Variants in EVC2 observed in about 807,000 individuals in gnomAD.
The protein encoded by EVC2 is EvC ciliary complex subunit 2.
EVC2 carries 148 observed loss-of-function variants against 149.3 expected under a neutral mutation model. The ratio of observed to expected loss-of-function variants is 0.99; its 90% CI spans 0.87 to 1.14. The LOEUF (loss-of-function observed/expected upper bound fraction) is 1.14. Among genes scored for constraint, EVC2 ranks in the 50% most tolerant of loss-of-function variants. The pLI is 0.00. For synonymous variants in EVC2, 776 were observed against 649.9 expected, an observed-to-expected ratio of 1.19 and a Z score of -2.95; for missense variants, 1,854 against 1,627.3, an observed-to-expected ratio of 1.14 and a Z score of -2.40.
intron 9 of EVC2, among the ~76,000 whole-genome samples, chr4:5,650,984 C>T (rs143929365): frequency 4.6e-5 from 7 of 152,084 alleles, no homozygotes; most frequent in African/African-American, 9.6e-5. Context: ...TCATTTTTTA[C>T]AGCACAGAAA....
At chr4:5,551,133 G>T (rs978354690) in intron 21 of EVC2, among the ~76,000 whole-genome samples, 1 of 151,670 alleles carries the variant, frequency 6.6e-6, no homozygotes, top group Non-Finnish European at 1.5e-5. Context: ...TCCCTACTGG[G>T]GCATCACCTA....
At position 5,657,371 on chromosome 4, in the gene EVC2, A is replaced by G. The variant is rs1057188478; in HGVS notation, c.1145+5736T>C. Among the ~76,000 whole-genome samples the G allele has an allele frequency of 6.6e-6, 1 of 152,070 alleles. No homozygotes were observed. The highest frequency in any genetic ancestry group is 1.5e-5 in the Non-Finnish European group (1 of 68,008). On this transcript the variant is annotated intron_variant, in intron 9 of 21. Transcript: ENST00000344408. This position sits in a 1 kb window ranked among gnomAD's most constrained non-coding sequence, Gnocchi z 4.7. ...TCTGCCATCCTTCCTACCATGACAGATGATGGCCCAACTCCTCTCCAGTCC... is the reference window on the plus strand; with the variant it reads ...TCTGCCATCCTTCCTACCATGACAGGTGATGGCCCAACTCCTCTCCAGTCC...
At chr4:5,650,638 T>TATATAGAG (rs1162935817) in intron 9 of EVC2, among the ~76,000 whole-genome samples, 57 of 45,096 alleles carry the variant, frequency 1.3e-3, no homozygotes, top group Non-Finnish European at 1.7e-3. Context: ...TATATATATA[T>TATATAGAG]AGAGAGAGAG....
intron 1 of EVC2, among the ~76,000 whole-genome samples, chr4:5,706,893 T>C (rs1722235835): frequency 6.6e-6 from 1 of 152,020 alleles, no homozygotes; most frequent in Non-Finnish European, 1.5e-5. Flanking sequence ...GAGGGTGAGG[T>C]ACTCTACACC....
chr4:5,699,365 G>C (rs910303758), intron 1 of EVC2, among the ~76,000 whole-genome samples: 1 of 152,156 alleles, frequency 6.6e-6, no homozygotes, highest in African/African-American at 2.4e-5. Context: ...GTAAATTATG[G>C]TACAAACATT....
chr4:5,672,816 A>G (rs1719735068), intron 7 of EVC2, among the ~76,000 whole-genome samples: 1 of 152,246 alleles, frequency 6.6e-6, no homozygotes, highest in South Asian at 2.1e-4. Flanking sequence ...TTCAGCCACA[A>G]AAAGGAATGA....
rs542794240 is a variant in EVC2, at chr4:5,592,093, G to C, written c.2830-7243C>G. 1.6e-3 allele frequency among the ~76,000 whole-genome samples: 239 copies of C among 152,276 alleles called. 4 individuals are homozygous for C. The South Asian group carries it at 0.037, about 23-fold the overall frequency. ...CCAAGTTTGGAAACAAATACAACTAGATGCAAGGGTGAGCTAGCTAGGTGC... is the reference window on the plus strand; with the variant it reads ...CCAAGTTTGGAAACAAATACAACTACATGCAAGGGTGAGCTAGCTAGGTGC... On this transcript the variant is annotated intron_variant, in intron 16 of 21. Transcript: ENST00000344408.
intron 15 of EVC2, among the ~76,000 whole-genome samples, chr4:5,616,999 T>G (rs1715306182): frequency 6.6e-6 from 1 of 152,188 alleles, no homozygotes; most frequent in South Asian, 2.1e-4. Context: ...TTTCCCCCAT[T>G]GTTCAAAAAT....
Position 5,567,904 on chromosome 4 carries a change from T to G in EVC2, c.3557+540A>C, listed in dbSNP as rs1722396594. 6.6e-6 allele frequency among the ~76,000 whole-genome samples: 1 copy of G among 152,202 alleles called. No homozygotes were observed. The highest frequency in any genetic ancestry group is 2.4e-5 in the African/African-American group (1 of 41,444). On this transcript the variant is annotated intron_variant, in intron 20 of 21. Coordinates refer to ENST00000344408, the MANE Select transcript of EVC2 (RefSeq NM_147127.5). This position sits in a 1 kb window ranked among gnomAD's most constrained non-coding sequence, Gnocchi z 4.4. ...TAGAATCTAAGTAATGGGATAAGAA[T>G]TACATAGGGGGATGTTTGCATGAGC...
chr4:5,610,411 T>C (rs1048429181), intron 16 of EVC2, among the ~76,000 whole-genome samples: 14 of 152,178 alleles, frequency 9.2e-5, no homozygotes, highest in African/African-American at 3.4e-4. Flanking sequence ...AATCAGTGCA[T>C]AAGACAAAAA....
chr4:5,544,249 G>GA (rs565649059), intron 21 of EVC2, among the ~76,000 whole-genome samples: 484 of 139,044 alleles, frequency 3.5e-3, no homozygotes, highest in African/African-American at 8.5e-3. Flanking sequence ...AGTTGTTATG[G>GA]AAAAAAAAAA....
At chr4:5,529,612 T>C in the EVC2 span, among the ~76,000 whole-genome samples, 1 of 152,180 alleles carries the variant, frequency 6.6e-6, no homozygotes, top group Non-Finnish European at 1.5e-5. This position sits in a 1 kb window ranked among gnomAD's most constrained non-coding sequence, Gnocchi z 4.5. Flanking sequence ...TCTAGACACA[T>C]AGTAGGTGCT....
At chr4:5,605,719 C>T (rs913043162) in intron 16 of EVC2, among the ~76,000 whole-genome samples, 1 of 152,208 alleles carries the variant, frequency 6.6e-6, no homozygotes, top group Admixed American at 6.5e-5. Flanking sequence ...GCCTTACAGT[C>T]CAACAGATCT....
At chr4:5,680,512 T>C (rs1405377004) in intron 7 of EVC2, among the ~76,000 whole-genome samples, 1 of 152,164 alleles carries the variant, frequency 6.6e-6, no homozygotes, top group Non-Finnish European at 1.5e-5. Flanking sequence ...TGTCATTATG[T>C]GGCGCGTGAC....
At chr4:5,566,207 GGA>G (rs1722279900) in intron 20 of EVC2, among the ~76,000 whole-genome samples, 3 of 152,352 alleles carry the variant, frequency 2.0e-5, no homozygotes, top group Middle Eastern at 6.8e-3. Context: ...AGAGGGCGTT[GGA>G]GAGTGTTGCC....
At position 5,618,354 on chromosome 4, in the gene EVC2, G is replaced by C. The variant is rs1344401883; in HGVS notation, c.2706+124C>G. 1 of 1,072,236 alleles carries C rather than the reference G, an allele frequency of 9.3e-7. No individual in the cohort carries two copies. Among genetic ancestry groups the C allele is most frequent in the African/African-American group, 1.6e-5 (1 of 64,226 alleles). 66.4% of individuals were successfully genotyped at this position (1,072,236 alleles called of 1,614,324 possible). A position where few individuals can be genotyped will look rare whatever the true frequency, so the allele number is the denominator to read the frequency against. ...ATAGCTGGACACCAATGCAGCCAGA[G>C]AGGAGAGGATAGGGGAGCATGAGGT... On this transcript the variant is annotated intron_variant, in intron 15 of 21. Transcript: ENST00000344408. This position sits in a 1 kb window ranked among gnomAD's most constrained non-coding sequence, Gnocchi z 4.4.
In EVC2 at chr4:5,689,416, AGCCTGT is replaced by A; in HGVS notation, c.520-79_520-74del. 4.0e-6 allele frequency: 6 copies of A among 1,495,398 alleles called. No individual in the cohort carries two copies. In the South Asian group the frequency reaches 6.9e-5, roughly 17 times the overall value. 92.6% of individuals were successfully genotyped at this position (1,495,398 alleles called of 1,614,324 possible). On this transcript the variant is annotated intron_variant, in intron 4 of 21. Transcript: ENST00000344408. ...GCTTCCTAAAATGGGGCATGAGCCC[AGCCTGT>A]GCACATTAGGCATCCAGGAAGAAGG...
intron 7 of EVC2, among the ~76,000 whole-genome samples, chr4:5,668,237 A>C (rs1560210603): frequency 2.0e-5 from 3 of 152,336 alleles, no homozygotes; most frequent in Non-Finnish European, 4.4e-5. Flanking sequence ...CTGACAGACC[A>C]ATGAGGCCAC....
chr4:5,537,448 G>A, the EVC2 span, among the ~76,000 whole-genome samples: 15 of 152,204 alleles, frequency 9.9e-5, no homozygotes, highest in African/African-American at 3.6e-4. Flanking sequence ...CAGACTTGAA[G>A]ACTTTGGAAG....
Sources: allele counts gnomAD v4.1 joint callset (sites outside exome capture counted in the v4.1 genomes callset), GRCh38; gene constraint gnomAD v4.1.1; non-coding constraint Gnocchi (gnomAD v3.1); transcripts MANE v1.5; gene names NCBI Gene and HGNC (gene_info 2026-07-23, HGNC 2026-07-21).